Variants in TSPAN13 observed in about 807,000 individuals in gnomAD.
TSPAN13 encodes the protein tetraspanin 13.
A neutral mutation model predicts 26.9 loss-of-function variants in TSPAN13; 18 were observed. The observed-to-expected ratio is 0.67, with a 90% CI of 0.46 to 0.99. The LOEUF (loss-of-function observed/expected upper bound fraction) is 0.99. Ranked by LOEUF, TSPAN13 falls within the 50% of genes least tolerant of loss-of-function variation. TSPAN13 has a pLI of 0.00. For synonymous variants in TSPAN13, 116 were observed against 98.4 expected, an observed-to-expected ratio of 1.18 and a Z score of -1.06; for missense variants, 201 against 249.6, an observed-to-expected ratio of 0.81 and a Z score of 1.31.
chr7:16,777,333 C>T (rs545725879), intron 3 of TSPAN13, among the ~76,000 whole-genome samples: 61 of 152,230 alleles, frequency 4.0e-4, no homozygotes, highest in East Asian at 5.8e-4. Flanking sequence ...TCTTTTAAAT[C>T]GGATTTTGCT....
intron 5 of TSPAN13, among the ~76,000 whole-genome samples, chr7:16,781,155 T>A (rs968774476): frequency 6.6e-6 from 1 of 152,218 alleles, no homozygotes; most frequent in Non-Finnish European, 1.5e-5. Flanking sequence ...GATTAATATA[T>A]GTTCTTTGTA....
Position 16,783,628 on chromosome 7 carries a change from T to C in TSPAN13, c.*137T>C. ...CTTATTGATAGTGGAATTATATATT[T>C]TTACTCTATGTTTCTCTACATGTTT... On this transcript the variant is annotated 3_prime_UTR_variant, in exon 6 of 6. Coordinates refer to ENST00000262067, the MANE Select transcript of TSPAN13 (RefSeq NM_014399.4). The C allele has an allele frequency of 1.3e-6, 1 of 786,362 alleles. No homozygotes were observed. 48.7% of individuals were successfully genotyped at this position (786,362 alleles called of 1,614,324 possible). A position where few individuals can be genotyped will look rare whatever the true frequency, so the allele number is the denominator to read the frequency against.
chr7:16,780,124 G>A (rs1784799278), intron 5 of TSPAN13, among the ~76,000 whole-genome samples: 1 of 151,718 alleles, frequency 6.6e-6, no homozygotes, highest in South Asian at 2.1e-4. Context: ...TTTTGAGACA[G>A]AGTCTTGCTC....
Position 16,773,820 on chromosome 7 carries a change from T to C in TSPAN13, c.64-2391T>C, listed in dbSNP as rs116448233. On this transcript the variant is annotated intron_variant, in intron 1 of 5. Coordinates refer to ENST00000262067, the MANE Select transcript of TSPAN13 (RefSeq NM_014399.4). ...GTAATACTCTTATTCATGCTTCTTA[T>C]CTTTTTTGGCTCTAAGACTTAAAAG... Among the ~76,000 whole-genome samples the C allele has an allele frequency of 2.3e-3, 343 of 152,340 alleles. 1 individual carries two copies. Among genetic ancestry groups the C allele is most frequent in the African/African-American group, 7.7e-3 (320 of 41,564 alleles).
intron 1 of TSPAN13, among the ~76,000 whole-genome samples, chr7:16,773,733 A>T (rs541012095): frequency 1.3e-5 from 2 of 152,358 alleles, no homozygotes; most frequent in East Asian, 3.9e-4. Flanking sequence ...TATAATTCCC[A>T]AAAGGATTTA....
intron 1 of TSPAN13, among the ~76,000 whole-genome samples, chr7:16,767,222 C>T (rs1784614258): frequency 6.6e-6 from 1 of 152,188 alleles, no homozygotes; most frequent in South Asian, 2.1e-4. Flanking sequence ...CAAGATCTGT[C>T]ACTTCCATGA....
Position 16,776,243 on chromosome 7 carries a change from G to C in TSPAN13, c.96G>C (p.Ala32=). ...LVSLLLIGIA[A]WGIGFGLISS... ...GTCTGCTGCTAATTGGAATTGCTGCGTGGGGCATTGGCTTCGGGCTGATTT... is the reference window on the plus strand; with the variant it reads ...GTCTGCTGCTAATTGGAATTGCTGCCTGGGGCATTGGCTTCGGGCTGATTT... Residue 32 remains alanine (A), a synonymous_variant, in exon 2 of 6, where the codon GCG becomes GCC. Coordinates refer to ENST00000262067, the MANE Select transcript of TSPAN13 (RefSeq NM_014399.4). The C allele has an allele frequency of 1.9e-6, 3 of 1,614,006 alleles. No individual in the cohort carries two copies. Among genetic ancestry groups the C allele is most frequent in the Non-Finnish European group, 2.5e-6 (3 of 1,179,980 alleles).
At chr7:16,775,562 T>C (rs1233504356) in intron 1 of TSPAN13, among the ~76,000 whole-genome samples, 3 of 152,238 alleles carry the variant, frequency 2.0e-5, no homozygotes, top group Non-Finnish European at 2.9e-5. Flanking sequence ...GAGCAGTTTT[T>C]GAGTATTCCC....
intron 1 of TSPAN13, among the ~76,000 whole-genome samples, chr7:16,763,309 A>T (rs1784567135): frequency 6.6e-6 from 1 of 152,192 alleles, no homozygotes; most frequent in South Asian, 2.1e-4. Flanking sequence ...GGTAAATAGG[A>T]TCAGTGCAAT....
intron 1 of TSPAN13, among the ~76,000 whole-genome samples, chr7:16,761,852 A>G (rs1452935332): frequency 6.6e-6 from 1 of 151,766 alleles, no homozygotes; most frequent in Non-Finnish European, 1.5e-5. Flanking sequence ...TTTTCTTTAC[A>G]TGTCTGTGGA....
intron 1 of TSPAN13, among the ~76,000 whole-genome samples, chr7:16,770,205 T>C (rs938814042): frequency 2.6e-5 from 4 of 151,246 alleles, no homozygotes; most frequent in African/African-American, 9.7e-5. Flanking sequence ...TTTATTATTT[T>C]ATTATTATTA....
rs544299695 is a variant in TSPAN13 at position 16,753,778 on chromosome 7, G to A, written c.-190G>A. The A allele has an allele frequency of 1.1e-4, 50 of 469,014 alleles. No individual in the cohort carries two copies. Among genetic ancestry groups the A allele is most frequent in the Middle Eastern group, 5.7e-4 (1 of 1,748 alleles). 29.1% of individuals were successfully genotyped at this position (469,014 alleles called of 1,614,324 possible). A position where few individuals can be genotyped will look rare whatever the true frequency, so the allele number is the denominator to read the frequency against. ...CTCCGGCTCAGCTGCGGCGGCCGCA[G>A]GTTCCAAAGCGGGTCCGAGCCGCCG... is the stretch of plus-strand genomic sequence containing the variant. On this transcript the variant is annotated 5_prime_UTR_variant, in exon 1 of 6. Transcript: ENST00000262067.
chr7:16,775,011 T>A (rs1349049456), intron 1 of TSPAN13, among the ~76,000 whole-genome samples: 2 of 152,252 alleles, frequency 1.3e-5, no homozygotes, highest in Admixed American at 1.3e-4. Flanking sequence ...CAGAAAAAGA[T>A]GCATTTGAGT....
chr7:16,753,768 G>C lies in TSPAN13; in HGVS notation c.-200G>C, dbSNP rs573941782. 2 of 455,536 alleles carry C rather than the reference G, an allele frequency of 4.4e-6. No individual in the cohort carries two copies. The highest frequency in any genetic ancestry group is 4.5e-5 in the Admixed American group (1 of 22,076). The allele number at this position is 455,536 out of a possible 1,614,324, so 28.2% of individuals were successfully genotyped here. A position where few individuals can be genotyped will look rare whatever the true frequency, so the allele number is the denominator to read the frequency against. On this transcript the variant is annotated 5_prime_UTR_variant, in exon 1 of 6. Coordinates refer to ENST00000262067, the MANE Select transcript of TSPAN13 (RefSeq NM_014399.4). ...CGGGCTCCTGCTCCGGCTCAGCTGCGGCGGCCGCAGGTTCCAAAGCGGGTC... is the reference window on the plus strand; with the variant it reads ...CGGGCTCCTGCTCCGGCTCAGCTGCCGCGGCCGCAGGTTCCAAAGCGGGTC...
chr7:16,758,494 T>G (rs1375728097), intron 1 of TSPAN13, among the ~76,000 whole-genome samples: 2 of 152,212 alleles, frequency 1.3e-5, no homozygotes. Flanking sequence ...CAGCTTCAGG[T>G]GGAAAAAGTT....
chr7:16,776,746 T>G (rs1562520764), intron 2 of TSPAN13, among the ~76,000 whole-genome samples: 1 of 152,226 alleles, frequency 6.6e-6, no homozygotes, highest in Middle Eastern at 3.2e-3. Flanking sequence ...TTACATGTAT[T>G]TATCTATACC....
In TSPAN13 at chr7:16,783,419, C is replaced by G. The variant is rs533931362; in HGVS notation, c.543C>G (p.Ile181Met). 1 of 1,613,276 alleles carries G rather than the reference C, an allele frequency of 6.2e-7. No homozygotes were observed. Among genetic ancestry groups the G allele is most frequent in the South Asian group, 1.1e-5 (1 of 90,956 alleles). ...GIGLFFSFTE[I>M]LGVWLTYRYR... ...TTATTTTTTTTTCCCCATTCCAGAT[C>G]CTGGGTGTTTGGCTGACCTACAGAT... Residue 181 changes from isoleucine to methionine, a missense_variant and splice_region_variant, in exon 6 of 6, where the codon ATC becomes ATG. Transcript: ENST00000262067.
intron 5 of TSPAN13, 42 bp from the exon 6 acceptor site, chr7:16,783,375 T>G (rs1192294383): frequency 6.4e-7 from 1 of 1,564,318 alleles, no homozygotes; most frequent in South Asian, 1.1e-5. Flanking sequence ...ACATAAATGT[T>G]ACTTTCTTTT....
chr7:16,772,633 C>G (rs1784693569), intron 1 of TSPAN13, among the ~76,000 whole-genome samples: 1 of 152,148 alleles, frequency 6.6e-6, no homozygotes, highest in Admixed American at 6.6e-5. Flanking sequence ...TAGGGCCCAC[C>G]TCATAATCTA....
Sources: allele counts gnomAD v4.1 joint callset (sites outside exome capture counted in the v4.1 genomes callset), GRCh38; gene constraint gnomAD v4.1.1; transcripts MANE v1.5; gene names NCBI Gene and HGNC (gene_info 2026-07-23, HGNC 2026-07-21).